LARP1: variants seen among roughly 807,000 people sequenced by gnomAD.
LARP1 encodes the protein La ribonucleoprotein 1, translational regulator, also known as la-related protein 1.
In LARP1, 36 loss-of-function variants were observed where a neutral mutation model predicts 122.7. The ratio of observed to expected loss-of-function variants is 0.29; its 90% CI spans 0.22 to 0.39. LARP1 has a LOEUF of 0.39. Among genes scored for constraint, LARP1 ranks in the 10% least tolerant of loss-of-function variants. The pLI, the probability that LARP1 is intolerant of heterozygous loss-of-function variation, is 1.00. For synonymous variants in LARP1, 539 were observed against 528.7 expected, an observed-to-expected ratio of 1.02 and a Z score of -0.27; for missense variants, 1,040 against 1,403.6, an observed-to-expected ratio of 0.74 and a Z score of 4.14.
At chr5:154,784,273 G>A (rs1031607177) in intron 1 of LARP1, among the ~76,000 whole-genome samples, 5 of 152,218 alleles carry the variant, frequency 3.3e-5, no homozygotes, top group African/African-American at 1.2e-4. Flanking sequence ...CAGGGGAGGG[G>A]CAGATAAGTA....
intron 1 of LARP1, among the ~76,000 whole-genome samples, chr5:154,723,533 G>C (rs1228589176): frequency 6.6e-6 from 1 of 152,184 alleles, no homozygotes; most frequent in African/African-American, 2.4e-5. Flanking sequence ...GAGAAAGGGA[G>C]AGTTTGAAGA....
At chr5:154,726,182 C>G (rs4958767) in intron 1 of LARP1, among the ~76,000 whole-genome samples, 117,776 of 152,086 alleles carry the variant, frequency 0.77, 45,919 homozygotes, top group African/African-American at 0.87. Context: ...GGGCAACACC[C>G]TAGGAGTAGA....
intron 16 of LARP1, among the ~76,000 whole-genome samples, chr5:154,808,952 G>C (rs114207507): frequency 0.01 from 1,572 of 152,080 alleles, 23 homozygotes; most frequent in Middle Eastern, 0.017. Flanking sequence ...TTTTGTTTAC[G>C]CAAAAGCTGG....
intron 1 of LARP1, among the ~76,000 whole-genome samples, chr5:154,782,802 T>G (rs1384052062): frequency 1.3e-5 from 2 of 152,106 alleles, no homozygotes; most frequent in African/African-American, 4.8e-5. Flanking sequence ...CTCTGAGAGA[T>G]GGTACCGACA....
chr5:154,784,766 A>G (rs753255374), intron 1 of LARP1, among the ~76,000 whole-genome samples: 5 of 152,196 alleles, frequency 3.3e-5, no homozygotes, highest in Non-Finnish European at 2.9e-5. Flanking sequence ...TGTTGGTTGA[A>G]CCAAGTTCTT....
intron 1 of LARP1, among the ~76,000 whole-genome samples, chr5:154,701,146 TG>T (rs1486904378): frequency 6.6e-6 from 1 of 152,078 alleles, no homozygotes; most frequent in Non-Finnish European, 1.5e-5. Flanking sequence ...TTTGTTTGTT[TG>T]TTTTTTGTCT....
intron 1 of LARP1, among the ~76,000 whole-genome samples, chr5:154,748,325 G>A (rs1050337159): frequency 4.6e-5 from 7 of 152,304 alleles, no homozygotes; most frequent in Middle Eastern, 6.8e-3. Flanking sequence ...AAAAGACTGA[G>A]GGCTTGTTCT....
chr5:154,732,307 G>A (rs889985707), intron 1 of LARP1, among the ~76,000 whole-genome samples: 2 of 152,182 alleles, frequency 1.3e-5, no homozygotes, highest in South Asian at 2.1e-4. Flanking sequence ...ATTTGGTAAC[G>A]TGGCCTTTGT....
intron 1 of LARP1, 31 bp downstream of exon 1, chr5:154,756,224 G>A (rs1753879336): frequency 8.3e-7 from 1 of 1,202,288 alleles, no homozygotes; most frequent in Non-Finnish European, 1.1e-6. Context: ...TCCTGGGTCC[G>A]GGGGCCTCTT....
Position 154,790,391 on chromosome 5 carries a change from A to C in LARP1, c.498+5A>C, listed in dbSNP as rs765262524. 2.5e-6 allele frequency: 4 copies of C among 1,613,034 alleles called. No homozygotes were observed. The South Asian group carries it at 4.4e-5, about 18-fold the overall frequency. On this transcript the variant is annotated splice_donor_5th_base_variant and intron_variant, in intron 2 of 18. Coordinates refer to ENST00000518297, the MANE Select transcript of LARP1 (RefSeq NM_033551.3). ...AAACAGCGCAAAGGCAGCAAGGTAA[A>C]GAATAACAGTGGGCAACCCAAGGGG...
At chr5:154,804,152 A>G (rs887156226) in intron 13 of LARP1, 49 bp from the exon 14 acceptor site, 3 of 1,353,572 alleles carry the variant, frequency 2.2e-6, no homozygotes, top group African/African-American at 1.4e-5. Context: ...GATGCTCCTC[A>G]GAGTTGTAGG....
intron 1 of LARP1, among the ~76,000 whole-genome samples, chr5:154,730,355 C>T (rs953019104): frequency 1.3e-5 from 2 of 151,100 alleles, no homozygotes; most frequent in Non-Finnish European, 2.9e-5. Flanking sequence ...ATTATCTCTA[C>T]CAGATGGATG....
At chr5:154,742,051 C>T (rs963997675) in intron 1 of LARP1, among the ~76,000 whole-genome samples, 6 of 152,188 alleles carry the variant, frequency 3.9e-5, no homozygotes, top group Admixed American at 6.5e-5. Flanking sequence ...GATCCAAGTA[C>T]TGTGGAAATT....
intron 1 of LARP1, chr5:154,729,620 C>T (rs575502865): frequency 2.4e-6 from 1 of 413,708 alleles, no homozygotes; most frequent in African/African-American, 2.1e-5. Flanking sequence ...GCCACTCCAC[C>T]CAAACACACT....
At position 154,808,502 on chromosome 5, in the gene LARP1, A is replaced by G. The variant is rs776686702; in HGVS notation, c.2742A>G (p.Thr914=). The G allele has an allele frequency of 3.7e-6, 6 of 1,613,618 alleles. No individual in the cohort carries two copies. The highest frequency in any genetic ancestry group is 5.1e-6 in the Non-Finnish European group (6 of 1,179,934). The change falls in exon 16 of 19, where the codon ACA becomes ACG. Residue 914 remains threonine (T), a synonymous_variant. Coordinates refer to ENST00000518297, the MANE Select transcript of LARP1 (RefSeq NM_033551.3). ...LGIGQSQEMN[T]LFRFWSFFLR... Reference sequence around the variant, plus strand: ...TTGGCCAGTCTCAGGAGATGAACACACTCTTCCGCTTCTGGTCCTTCTTCC... The same window carrying G: ...TTGGCCAGTCTCAGGAGATGAACACGCTCTTCCGCTTCTGGTCCTTCTTCC...
At position 154,799,701 on chromosome 5, in the gene LARP1, C is replaced by T; in HGVS notation, c.1488C>T (p.Phe496=). 6.2e-7 allele frequency: 1 copy of T among 1,614,232 alleles called. No individual in the cohort carries two copies. Residue 496 remains phenylalanine, a synonymous_variant, in exon 9 of 19, where the codon TTC becomes TTT. Coordinates refer to ENST00000518297, the MANE Select transcript of LARP1 (RefSeq NM_033551.3). The stretch of plus-strand genomic sequence containing the variant: ...TAGTGGATTATTCACAGACTGATTT[C>T]TCCCAGCTTCTCAACTGCCCTGAAT... ...PPIVDYSQTD[F]SQLLNCPEFV...
At chr5:154,797,102 T>C (rs1227151351) in intron 8 of LARP1, among the ~76,000 whole-genome samples, 1 of 152,246 alleles carries the variant, frequency 6.6e-6, no homozygotes. Flanking sequence ...GGTATTTAGA[T>C]ACCAGTCTGA....
At chr5:154,683,203 A>G (rs1190036384) in intron 1 of LARP1, among the ~76,000 whole-genome samples, 2 of 152,200 alleles carry the variant, frequency 1.3e-5, no homozygotes, top group Non-Finnish European at 2.9e-5. Flanking sequence ...CCCCATCCTT[A>G]CAGGAGCCGC....
At chr5:154,787,068 G>A in intron 1 of LARP1, among the ~76,000 whole-genome samples, 1 of 152,064 alleles carries the variant, frequency 6.6e-6, no homozygotes, top group East Asian at 1.9e-4. Context: ...TAGTAGAGAT[G>A]GGGTTTCTCC....
Sources: gnomAD v4.1 joint callset for allele counts (sites outside exome capture counted in the v4.1 genomes callset) on GRCh38, gnomAD v4.1.1 for gene constraint, MANE v1.5 for transcripts, NCBI Gene and HGNC (gene_info 2026-07-23, HGNC 2026-07-21) for gene names.